The following LMO3 variants were observed in gnomAD, a reference collection of about 807,000 sequenced individuals.
The protein encoded by LMO3 is LIM domain only 3, also known as LIM domain only protein 3.
Under a neutral mutation model 15.8 loss-of-function variants are expected in LMO3, and 2 were observed. The ratio of observed to expected loss-of-function variants is 0.13; its 90% CI spans 0.05 to 0.40. The LOEUF is 0.40. Ranked by LOEUF, LMO3 falls within the 10% of genes least tolerant of loss-of-function variation. LMO3 has a pLI of 0.99. For missense variants in LMO3, 86 were observed against 182.2 expected, an observed-to-expected ratio of 0.47 and a Z score of 3.04; for synonymous variants, 62 against 63.8, an observed-to-expected ratio of 0.97 and a Z score of 0.13.
chr12:16,574,855 A>G (rs1216043988), intron 2 of LMO3, among the ~76,000 whole-genome samples: 1 of 152,168 alleles, frequency 6.6e-6, no homozygotes, highest in Non-Finnish European at 1.5e-5. Flanking sequence ...GGTAGCAGTG[A>G]CATGTCTAAG....
chr12:16,583,269 A>G (rs1034253036), intron 2 of LMO3, among the ~76,000 whole-genome samples: 1 of 152,132 alleles, frequency 6.6e-6, no homozygotes, highest in African/African-American at 2.4e-5. Context: ...AGGAGTGCAA[A>G]GGAGGTTGAG....
rs1943420997 is a variant in LMO3 at position 16,589,390 on chromosome 12, C to G, written c.206+11265G>C. On this transcript the variant is annotated intron_variant, in intron 2 of 3. Transcript: ENST00000537304. This position sits in a 1 kb window ranked among gnomAD's most constrained non-coding sequence, Gnocchi z 4.2. ...CATATTACTATGAGTGCAGTATAAG[C>G]TTGTGGCTTTACTTTTACTTGTGAC... 6.6e-6 allele frequency: 1 copy of G among 151,998 alleles called. No homozygotes were observed. The highest frequency in any genetic ancestry group is 2.4e-5 in the African/African-American group (1 of 41,392). The allele number at this position is 151,998 out of a possible 1,614,324, so 9.4% of individuals were successfully genotyped here.
At chr12:16,606,010 G>A (rs1047806003) in intron 1 of LMO3, 56 bp downstream of exon 1, 2 of 607,440 alleles carry the variant, frequency 3.3e-6, no homozygotes, top group Non-Finnish European at 5.9e-6. Context: ...GCGCGCACCC[G>A]CAGACACACA....
intron 1 of LMO3, chr12:16,605,232 G>A: frequency 7.7e-7 from 1 of 1,295,858 alleles, no homozygotes; most frequent in South Asian, 1.9e-5. Flanking sequence ...AAATGGATTT[G>A]ATTAAACTGT....
chr12:16,557,518 T>C (rs1392460645), intron 3 of LMO3, among the ~76,000 whole-genome samples: 1 of 152,138 alleles, frequency 6.6e-6, no homozygotes, highest in Non-Finnish European at 1.5e-5. Context: ...CAAACTGTTA[T>C]ATACCTTGTT....
chr12:16,554,757 C>G (rs572818713), intron 3 of LMO3, among the ~76,000 whole-genome samples: 2 of 152,286 alleles, frequency 1.3e-5, no homozygotes, highest in East Asian at 3.9e-4. Context: ...CCCGGGTTCC[C>G]GCCATTCTCC....
chr12:16,593,847 G>A lies in LMO3; in HGVS notation c.206+6808C>T, dbSNP rs1426090983. 6.6e-6 allele frequency among the ~76,000 whole-genome samples: 1 copy of A among 151,620 alleles called. No individual in the cohort carries two copies. The highest frequency in any genetic ancestry group is 1.5e-5 in the Non-Finnish European group (1 of 67,716). ...AAACTTCCACTTCAAAATAAGCTTCGTGTAAGCACCTTGAAAAGGGAAATA... is the reference window on the plus strand; with the variant it reads ...AAACTTCCACTTCAAAATAAGCTTCATGTAAGCACCTTGAAAAGGGAAATA... On this transcript the variant is annotated intron_variant, in intron 2 of 3. Transcript: ENST00000537304. This position sits in a 1 kb window ranked among gnomAD's most constrained non-coding sequence, Gnocchi z 4.2.
chr12:16,596,428 T>C lies in LMO3; in HGVS notation c.206+4227A>G, dbSNP rs992418314. On this transcript the variant is annotated intron_variant, in intron 2 of 3. Transcript: ENST00000537304. This position sits in a 1 kb window ranked among gnomAD's most constrained non-coding sequence, Gnocchi z 4.3. ...ATGGCACATACCACAGCAAACAGCT[T>C]TGAATAAACTCTGGCAAGATATCAT... Among the ~76,000 whole-genome samples the C allele has an allele frequency of 3.3e-5, 5 of 151,616 alleles. No individual in the cohort carries two copies. Among genetic ancestry groups the C allele is most frequent in the African/African-American group, 1.2e-4 (5 of 41,388 alleles).
intron 2 of LMO3, among the ~76,000 whole-genome samples, chr12:16,575,224 A>G (rs1161662749): frequency 1.3e-5 from 2 of 152,212 alleles, no homozygotes; most frequent in Non-Finnish European, 2.9e-5. Flanking sequence ...AACCCATATG[A>G]ATAAAACCCC....
At chr12:16,573,063 AAAAGG>A (rs1449882952) in intron 2 of LMO3, among the ~76,000 whole-genome samples, 5 of 152,136 alleles carry the variant, frequency 3.3e-5, no homozygotes, top group African/African-American at 1.2e-4. Context: ...TACATCTTAT[AAAAGG>A]AAAGAAAAAA....
rs1034753931 is a variant in LMO3, at chr12:16,550,776, A to T, written c.*446T>A. 6.5e-6 allele frequency: 1 copy of T among 153,512 alleles called. No individual in the cohort carries two copies. The highest frequency in any genetic ancestry group is 1.9e-4 in the East Asian group (1 of 5,232). 9.5% of individuals were successfully genotyped at this position (153,512 alleles called of 1,614,324 possible). On this transcript the variant is annotated 3_prime_UTR_variant, in exon 4 of 4. Coordinates refer to ENST00000537304, the MANE Select transcript of LMO3 (RefSeq NM_018640.5). ...ATTCTTTACTAGAAAGTTACAGCTC[A>T]TTTAAAATAGCTGGTAAATACAGAA...
At position 16,583,308 on chromosome 12, in the gene LMO3, C is replaced by CT. The variant is rs577230705; in HGVS notation, c.206+17346dup. Reference sequence around the variant, plus strand: ...GTATGGATGACAACAACAGACTGTTCTTTTTTTTTAAAAAAATTAGACAAT... The same window carrying CT: ...GTATGGATGACAACAACAGACTGTTCTTTTTTTTTTAAAAAAATTAGACAAT... On this transcript the variant is annotated intron_variant, in intron 2 of 3. Transcript: ENST00000537304. 1.9e-4 allele frequency among the ~76,000 whole-genome samples: 29 copies of CT among 151,468 alleles called. No homozygotes were observed. The South Asian group carries it at 2.5e-3, about 13-fold the overall frequency.
chr12:16,558,834 T>G (rs891452669), intron 3 of LMO3, among the ~76,000 whole-genome samples: 1 of 152,196 alleles, frequency 6.6e-6, no homozygotes, highest in Non-Finnish European at 1.5e-5. Flanking sequence ...TTTGAGAACC[T>G]GTTGTGTTCC....
intron 2 of LMO3, among the ~76,000 whole-genome samples, chr12:16,561,882 C>T (rs1444072576): frequency 6.6e-6 from 1 of 152,136 alleles, no homozygotes; most frequent in Non-Finnish European, 1.5e-5. Flanking sequence ...ATTTTAAAGA[C>T]TTTGCTAACA....
chr12:16,556,158 T>G (rs1333232660), intron 3 of LMO3, among the ~76,000 whole-genome samples: 2 of 152,224 alleles, frequency 1.3e-5, no homozygotes, highest in Non-Finnish European at 2.9e-5. Flanking sequence ...TGGGAAAATT[T>G]CATCACAAGC....
intron 3 of LMO3, among the ~76,000 whole-genome samples, chr12:16,552,890 A>G (rs948708581): frequency 2.0e-5 from 3 of 152,120 alleles, no homozygotes; most frequent in African/African-American, 7.2e-5. Flanking sequence ...TTATCAAATG[A>G]AAAGTGTCTG....
rs1445281889 is a variant in LMO3 at position 16,569,084 on chromosome 12, T to C, written c.207-8546A>G. Among the ~76,000 whole-genome samples the C allele has an allele frequency of 2.0e-5, 3 of 152,186 alleles. No individual in the cohort carries two copies. In the East Asian group the frequency reaches 5.8e-4, roughly 29 times the overall value. ...ACTCAGTGTTAATTCCTTTCTAAAC[T>C]TGCCATTTCCTGCTCCATGAAGACA... On this transcript the variant is annotated intron_variant, in intron 2 of 3. Coordinates refer to ENST00000537304, the MANE Select transcript of LMO3 (RefSeq NM_018640.5).
At chr12:16,572,515 T>TG (rs760978307) in intron 2 of LMO3, among the ~76,000 whole-genome samples, 29 of 150,132 alleles carry the variant, frequency 1.9e-4, no homozygotes, top group Non-Finnish European at 3.4e-4. Context: ...GAAGCTGCTA[T>TG]GCCAAAGTGC....
At chr12:16,594,339 AAAAT>A (rs1943582690) in intron 2 of LMO3, 1 of 1,364,230 alleles carries the variant, frequency 7.3e-7, no homozygotes, top group Non-Finnish European at 9.6e-7. Context: ...ATTAAACTAA[AAAAT>A]AAAAAAGAAA....
Sources: gnomAD v4.1 joint callset for allele counts (sites outside exome capture counted in the v4.1 genomes callset) on GRCh38, gnomAD v4.1.1 for gene constraint, Gnocchi (gnomAD v3.1) non-coding constraint, MANE v1.5 for transcripts, NCBI Gene and HGNC (gene_info 2026-07-23, HGNC 2026-07-21) for gene names.